The following IPO7 variants were observed in gnomAD, a reference collection of about 807,000 sequenced individuals.
The protein encoded by IPO7 is importin 7.
Under a neutral mutation model 136.4 loss-of-function variants are expected in IPO7, and 13 were observed. The observed-to-expected ratio is 0.10, with a 90% confidence interval of 0.06 to 0.15. IPO7 has a LOEUF of 0.15. Among genes scored for constraint, IPO7 ranks in the 10% least tolerant of loss-of-function variants. The pLI is 1.00. For synonymous variants in IPO7, 403 were observed against 404.4 expected (o/e 1.00, Z 0.04); for missense variants, 857 against 1,240.6 (o/e 0.69, Z 4.65).
At chr11:9,413,228 CT>C (rs1854993749) in intron 4 of IPO7, among the ~76,000 whole-genome samples, 1 of 152,070 alleles carries the variant, frequency 6.6e-6, no homozygotes, top group Non-Finnish European at 1.5e-5. Context: ...GATTGAGTCT[CT>C]CTGTCACCCA....
At position 9,405,019 on chromosome 11, in the gene IPO7, A is replaced by G. The variant is rs569221784; in HGVS notation, c.166+1648A>G. On this transcript the variant is annotated intron_variant, in intron 2 of 24. Coordinates refer to ENST00000379719, the MANE Select transcript of IPO7 (RefSeq NM_006391.3). ...ACTAAAATGTTGCCTAGTACAGTGT[A>G]GGTACTCAGGAAATAAATGAATTTA... Among the ~76,000 whole-genome samples the G allele has an allele frequency of 2.6e-5, 4 of 152,324 alleles. 1 individual carries two copies. The highest frequency in any genetic ancestry group is 9.6e-5 in the African/African-American group (4 of 41,584).
At chr11:9,421,768 C>A (rs1210978408) in intron 8 of IPO7, among the ~76,000 whole-genome samples, 2 of 150,092 alleles carry the variant, frequency 1.3e-5, no homozygotes, top group Non-Finnish European at 3.0e-5. Context: ...CACAGTGAAA[C>A]CCCATTTCTA....
At position 9,430,985 on chromosome 11, in the gene IPO7, A is replaced by G. The variant is rs752235849; in HGVS notation, c.1863A>G (p.Val621=). 1 of 1,612,958 alleles carries G rather than the reference A, an allele frequency of 6.2e-7. No homozygotes were observed. The highest frequency in any genetic ancestry group is 2.2e-5 in the East Asian group (1 of 44,840). ...ILNTIDTLLS[V]VEDHKEITQQ... is the part of the protein sequence containing the mutation. ...ATACAATTGATACACTTCTTAGTGT[A>G]GTTGAAGATCATAAAGAGGTAAGAA... Residue 621 remains valine (V), a synonymous_variant, in exon 16 of 25, where the codon GTA becomes GTG. Transcript: ENST00000379719.
chr11:9,397,341 A>AAAAAAAAAAAATATATATATAT, intron 1 of IPO7, among the ~76,000 whole-genome samples: 7 of 10,760 alleles, frequency 6.5e-4, no homozygotes, highest in African/African-American at 7.5e-4. Flanking sequence ...TTTAAAAAAA[A>AAAAAAAAAAAATATATATATAT]ATATATATAT....
At chr11:9,439,978 C>G (rs1855438639) in intron 22 of IPO7, among the ~76,000 whole-genome samples, 1 of 152,106 alleles carries the variant, frequency 6.6e-6, no homozygotes, top group Admixed American at 6.6e-5. Flanking sequence ...ATTCTAAAAC[C>G]TAAGCATACT....
At chr11:9,411,277 C>T (rs1854965071) in intron 4 of IPO7, among the ~76,000 whole-genome samples, 1 of 152,118 alleles carries the variant, frequency 6.6e-6, no homozygotes, top group Admixed American at 6.5e-5. Context: ...TTGTGAAGCA[C>T]AAGGTGTTCA....
intron 24 of IPO7, among the ~76,000 whole-genome samples, chr11:9,443,452 C>T (rs1323310409): frequency 1.3e-5 from 2 of 150,446 alleles, no homozygotes; most frequent in Non-Finnish European, 3.0e-5. Context: ...ATTAGCCAGG[C>T]GTGGTAGGCA....
chr11:9,400,643 C>T (rs1854780302), intron 1 of IPO7, among the ~76,000 whole-genome samples: 1 of 151,680 alleles, frequency 6.6e-6, no homozygotes, highest in African/African-American at 2.4e-5. Context: ...AGGATGGTCT[C>T]GATCTCCTGA....
At chr11:9,433,408 C>T in intron 16 of IPO7, 162 bp from the exon 17 acceptor site, 2 of 545,892 alleles carry the variant, frequency 3.7e-6, no homozygotes, top group Non-Finnish European at 3.2e-6. Flanking sequence ...CTATTTTTAT[C>T]TGAGATCACA....
At chr11:9,403,477 C>G in intron 2 of IPO7, 106 bp downstream of exon 2, 1 of 786,336 alleles carries the variant, frequency 1.3e-6, no homozygotes, top group Non-Finnish European at 2.1e-6. Context: ...TTTTTCCCCC[C>G]AGGTAATTTG....
At chr11:9,424,728 C>T (rs933005247) in intron 10 of IPO7, among the ~76,000 whole-genome samples, 186 bp from the exon 11 acceptor site, 2 of 152,110 alleles carry the variant, frequency 1.3e-5, no homozygotes, top group Middle Eastern at 3.2e-3. Flanking sequence ...AGTGACAGAG[C>T]GAGACTCCAT....
intron 23 of IPO7, among the ~76,000 whole-genome samples, chr11:9,441,048 GTT>G (rs1855454231): frequency 6.6e-6 from 1 of 152,124 alleles, no homozygotes; most frequent in Non-Finnish European, 1.5e-5. Context: ...TACTTAACGT[GTT>G]AAGAGTATAT....
In IPO7 at chr11:9,430,872, T is replaced by C; in HGVS notation, c.1753-3T>C. The C allele has an allele frequency of 6.2e-7, 1 of 1,611,182 alleles. No homozygotes were observed. The highest frequency in any genetic ancestry group is 2.2e-5 in the East Asian group (1 of 44,828). On this transcript the variant is annotated splice_region_variant and splice_polypyrimidine_tract_variant and intron_variant, in intron 15 of 24. Coordinates refer to ENST00000379719, the MANE Select transcript of IPO7 (RefSeq NM_006391.3). ...AACTTGAGTTATATTCTCTTGAATC[T>C]AGGCAATGACATTTAACCAAGTAAT...
At chr11:9,404,464 CA>C (rs1854849115) in intron 2 of IPO7, among the ~76,000 whole-genome samples, 2 of 150,128 alleles carry the variant, frequency 1.3e-5, no homozygotes, top group South Asian at 4.2e-4. Context: ...GAGACCATCT[CA>C]AAAAAATAAA....
At chr11:9,412,532 T>C (rs1394297689) in intron 4 of IPO7, among the ~76,000 whole-genome samples, 1 of 152,202 alleles carries the variant, frequency 6.6e-6, no homozygotes, top group African/African-American at 2.4e-5. Context: ...TAATGGAAGC[T>C]GGGGCTGGGA....
intron 1 of IPO7, among the ~76,000 whole-genome samples, chr11:9,397,419 T>G (rs1854731693): frequency 7.0e-6 from 1 of 141,962 alleles, no homozygotes. Context: ...TCTGTAGAGG[T>G]AGCATCTTGC....
chr11:9,432,768 T>C (rs1855314183), intron 16 of IPO7, among the ~76,000 whole-genome samples: 1 of 152,182 alleles, frequency 6.6e-6, no homozygotes, highest in Admixed American at 6.5e-5. Flanking sequence ...GAGGAATTTG[T>C]ATTTCTTGTC....
At chr11:9,428,351 A>G (rs1373887073) in intron 12 of IPO7, among the ~76,000 whole-genome samples, 189 bp from the exon 13 acceptor site, 4 of 152,244 alleles carry the variant, frequency 2.6e-5, no homozygotes. Flanking sequence ...TAAAAACGTG[A>G]AAATGTGTTT....
At chr11:9,434,907 T>A in intron 18 of IPO7, 27 bp from the exon 19 acceptor site, 1 of 1,385,006 alleles carries the variant, frequency 7.2e-7, no homozygotes, top group South Asian at 1.2e-5. Context: ...ACTAAAGATG[T>A]GTAACCGATG....
Sources: gnomAD v4.1 joint callset for allele counts (sites outside exome capture counted in the v4.1 genomes callset) on GRCh38, gnomAD v4.1.1 for gene constraint, MANE v1.5 for transcripts, NCBI Gene and HGNC (gene_info 2026-07-23, HGNC 2026-07-21) for gene names.